The following NDST3 variants were observed in gnomAD, a reference collection of about 807,000 sequenced individuals.
The protein encoded by NDST3 is bifunctional heparan sulfate N-deacetylase/N-sulfotransferase 3.
Under a neutral mutation model 96.1 loss-of-function variants are expected in NDST3, and 58 were observed. The observed-to-expected ratio is 0.60, with a 90% CI of 0.49 to 0.75. The LOEUF is 0.75. NDST3 is among the 30% of genes least tolerant of loss of function. The pLI is 0.00. For missense variants in NDST3, 788 were observed against 1,034.2 expected, an observed-to-expected ratio of 0.76 and a Z score of 3.27; for synonymous variants, 333 against 359.7, an observed-to-expected ratio of 0.93 and a Z score of 0.84.
intron 4 of NDST3, among the ~76,000 whole-genome samples, chr4:118,130,840 T>C (rs1012265023): frequency 2.6e-5 from 4 of 152,240 alleles, no homozygotes; most frequent in African/African-American, 9.6e-5. Context: ...CCACCAGATA[T>C]ACTATTCTAG....
chr4:118,214,799 T>C (rs2125988775), intron 6 of NDST3, among the ~76,000 whole-genome samples: 1 of 152,276 alleles, frequency 6.6e-6, no homozygotes, highest in South Asian at 2.1e-4. Context: ...GGTAAGTGTC[T>C]GGAATGCCCT....
At chr4:118,213,039 T>G (rs1238188960) in intron 6 of NDST3, among the ~76,000 whole-genome samples, 1 of 152,204 alleles carries the variant, frequency 6.6e-6, no homozygotes, top group African/African-American at 2.4e-5. Flanking sequence ...CTACCTTCCT[T>G]ATTAGTCTCT....
At chr4:118,205,403 A>G (rs963237980) in intron 6 of NDST3, among the ~76,000 whole-genome samples, 1 of 144,816 alleles carries the variant, frequency 6.9e-6, no homozygotes, top group Non-Finnish European at 1.5e-5. Flanking sequence ...AAATCTTCCT[A>G]TATACAGTAA....
chr4:118,248,421 A>G (rs1741459410), intron 12 of NDST3, among the ~76,000 whole-genome samples: 2 of 152,192 alleles, frequency 1.3e-5, no homozygotes, highest in African/African-American at 4.8e-5. Context: ...CCTGCCCACA[A>G]GTCTTTTACA....
At chr4:118,071,203 T>G (rs1422898199) in intron 2 of NDST3, among the ~76,000 whole-genome samples, 2 of 152,276 alleles carry the variant, frequency 1.3e-5, no homozygotes, top group African/African-American at 2.4e-5. Flanking sequence ...TGTGTCTTTA[T>G]AGCAGCATGA....
chr4:118,052,701 T>C (rs1267948607), intron 1 of NDST3, among the ~76,000 whole-genome samples: 1 of 151,984 alleles, frequency 6.6e-6, no homozygotes, highest in African/African-American at 2.4e-5. Context: ...ATACACAGTT[T>C]GCTTAACCTT....
intron 2 of NDST3, among the ~76,000 whole-genome samples, chr4:118,064,623 AAT>A (rs1198020389): frequency 6.6e-6 from 1 of 152,188 alleles, no homozygotes; most frequent in Non-Finnish European, 1.5e-5. Context: ...TTTTAATATT[AAT>A]AGTTATAATG....
At chr4:118,229,186 A>T (rs1740108434) in intron 8 of NDST3, among the ~76,000 whole-genome samples, 1 of 152,226 alleles carries the variant, frequency 6.6e-6, no homozygotes. Flanking sequence ...CTGTAGTCCC[A>T]GGTACTCAGG....
At chr4:118,215,923 A>G (rs1335409276) in intron 6 of NDST3, among the ~76,000 whole-genome samples, 4 of 152,068 alleles carry the variant, frequency 2.6e-5, no homozygotes, top group African/African-American at 9.7e-5. Flanking sequence ...GAGGGATGAA[A>G]GTTTAAAATA....
intron 2 of NDST3, among the ~76,000 whole-genome samples, chr4:118,060,193 G>C (rs1725781003): frequency 6.6e-6 from 1 of 152,034 alleles, no homozygotes; most frequent in Non-Finnish European, 1.5e-5. Context: ...TTCCAACTCT[G>C]ATGGTTGATT....
rs1240834707 is a variant in NDST3 at position 118,162,200 on chromosome 4, C to T, written c.1539+18516C>T. On this transcript the variant is annotated intron_variant, in intron 6 of 13. Transcript: ENST00000296499. ...CCAAGGTAATTTACAGATTCAATGC[C>T]ATCCCCATCAAGCTACCAATGACTT... 3.9e-5 allele frequency among the ~76,000 whole-genome samples: 6 copies of T among 152,040 alleles called. No individual in the cohort carries two copies. The East Asian group carries it at 1.2e-3, about 29-fold the overall frequency.
At chr4:118,135,085 A>G (rs1047407824) in intron 4 of NDST3, among the ~76,000 whole-genome samples, 1 of 152,210 alleles carries the variant, frequency 6.6e-6, no homozygotes, top group Non-Finnish European at 1.5e-5. Context: ...AAACTTTTCT[A>G]TACAATAACG....
upstream of NDST3, chr4:118,033,624 G>GCGGCGGAGGCGCGGC (rs1363439060): frequency 6.6e-6 from 1 of 151,738 alleles, no homozygotes; most frequent in African/African-American, 2.4e-5. Flanking sequence ...GGTGGCGAGG[G>GCGGCGGAGGCGCGGC]CGGCGGAGGC....
At chr4:118,163,882 C>T (rs1175554094) in intron 6 of NDST3, among the ~76,000 whole-genome samples, 1 of 152,024 alleles carries the variant, frequency 6.6e-6, no homozygotes, top group Non-Finnish European at 1.5e-5. Context: ...AAAGGGAATG[C>T]TTGTACACTG....
chr4:118,194,694 T>C (rs1018861787), intron 6 of NDST3: 13 of 603,056 alleles, frequency 2.2e-5, no homozygotes, highest in Non-Finnish European at 4.0e-5. Context: ...ACTCCCTCCA[T>C]GGGAAGAGGC....
chr4:118,078,691 G>A (rs1727777652), intron 2 of NDST3, among the ~76,000 whole-genome samples: 1 of 151,310 alleles, frequency 6.6e-6, no homozygotes, highest in African/African-American at 2.4e-5. Flanking sequence ...AGGGGTTGCA[G>A]TGAGCCAAGA....
chr4:118,168,838 T>C (rs1394307562), intron 6 of NDST3, among the ~76,000 whole-genome samples: 1 of 152,284 alleles, frequency 6.6e-6, no homozygotes, highest in Non-Finnish European at 1.5e-5. Flanking sequence ...GGATCAACAT[T>C]GAGGACATTA....
At chr4:118,044,515 G>A (rs1724644767) in intron 1 of NDST3, among the ~76,000 whole-genome samples, 1 of 152,104 alleles carries the variant, frequency 6.6e-6, no homozygotes, top group African/African-American at 2.4e-5. Context: ...AACAGTTTAC[G>A]ACTACATTGT....
chr4:118,039,027 T>C (rs551474021), intron 1 of NDST3, among the ~76,000 whole-genome samples: 1 of 152,348 alleles, frequency 6.6e-6, no homozygotes, highest in Non-Finnish European at 1.5e-5. Context: ...CACTATGTTA[T>C]GGAATTGTCT....
Sources: allele counts gnomAD v4.1 joint callset (sites outside exome capture counted in the v4.1 genomes callset), GRCh38; gene constraint gnomAD v4.1.1; transcripts MANE v1.5; gene names NCBI Gene and HGNC (gene_info 2026-07-23, HGNC 2026-07-21).